Variants in DNAH11 observed in about 807,000 individuals in gnomAD.
DNAH11 encodes the protein axonemal beta dynein heavy chain 11.
DNAH11 carries 442 observed loss-of-function variants against 526.0 expected under a neutral mutation model. The ratio of observed to expected loss-of-function variants is 0.84; its 90% confidence interval spans 0.78 to 0.91. DNAH11 has a LOEUF of 0.91. Among genes scored for constraint, DNAH11 ranks in the 40% least tolerant of loss-of-function variants. The probability of loss-of-function intolerance (pLI) is 0.00; values close to 1 mark genes in which losing one functional copy is unlikely to be tolerated. For missense variants in DNAH11, 6,989 were observed against 5,448.7 expected (o/e 1.28, Z -8.90); for synonymous variants, 2,461 against 1,935.9 (o/e 1.27, Z -7.12).
chr7:21,860,157 A>C (rs1783003400), intron 68 of DNAH11, among the ~76,000 whole-genome samples: 1 of 152,170 alleles, frequency 6.6e-6, no homozygotes, highest in Admixed American at 6.5e-5. Flanking sequence ...TGGATGACAG[A>C]ATGAAAGTTT....
intron 55 of DNAH11, among the ~76,000 whole-genome samples, chr7:21,772,387 A>G (rs1429627385): frequency 2.2e-5 from 3 of 138,106 alleles, no homozygotes; most frequent in African/African-American, 5.4e-5. Flanking sequence ...TAAGGAGGTT[A>G]CACTTGGCTG....
rs554343975 is a variant in DNAH11, at chr7:21,560,973, G to A, written c.883-98G>A. 8.0e-5 allele frequency: 67 copies of A among 837,778 alleles called. 1 individual carries two copies. Among genetic ancestry groups the A allele is most frequent in the Middle Eastern group, 2.5e-4 (1 of 3,996 alleles). The allele number at this position is 837,778 out of a possible 1,614,324, so 51.9% of individuals were successfully genotyped here. On this transcript the variant is annotated intron_variant, in intron 4 of 81. Coordinates refer to ENST00000409508, the MANE Select transcript of DNAH11 (RefSeq NM_001277115.2). ...TTGAGTGTTAAATACTGTATCACTT[G>A]TGAGTGAAATGGAATTTAAATATTT...
At chr7:21,754,963 A>T (rs1786565580) in intron 54 of DNAH11, among the ~76,000 whole-genome samples, 1 of 152,212 alleles carries the variant, frequency 6.6e-6, no homozygotes, top group Non-Finnish European at 1.5e-5. Context: ...AGTGTGTACT[A>T]AAGACTCAGA....
chr7:21,801,813 T>C (rs1789008246), intron 62 of DNAH11, among the ~76,000 whole-genome samples: 1 of 152,212 alleles, frequency 6.6e-6, no homozygotes, highest in Admixed American at 6.5e-5. Context: ...ACCTGGTTGG[T>C]TTATGTTTTT....
At chr7:21,802,743 T>G (rs535675887) in intron 62 of DNAH11, among the ~76,000 whole-genome samples, 198 of 152,018 alleles carry the variant, frequency 1.3e-3, no homozygotes, top group Middle Eastern at 3.4e-3. Flanking sequence ...TGATATCATG[T>G]GATACACAGG....
chr7:21,773,039 A>G (rs767691575), intron 55 of DNAH11, among the ~76,000 whole-genome samples: 16 of 152,188 alleles, frequency 1.1e-4, no homozygotes, highest in Non-Finnish European at 2.1e-4. Context: ...CCCTTGATTA[A>G]CTGAACCTGG....
chr7:21,745,789 A>G (rs1193994472), intron 51 of DNAH11, among the ~76,000 whole-genome samples: 7 of 152,240 alleles, frequency 4.6e-5, no homozygotes, highest in African/African-American at 9.6e-5. Context: ...GAGAAATACA[A>G]TAAGTGAATT....
intron 28 of DNAH11, among the ~76,000 whole-genome samples, chr7:21,644,429 A>G (rs1685706082): frequency 6.6e-6 from 1 of 152,146 alleles, no homozygotes; most frequent in Admixed American, 6.6e-5. Flanking sequence ...TAGGAAAAAG[A>G]CTCAATACGT....
chr7:21,865,050 C>T (rs1399173843), intron 70 of DNAH11, among the ~76,000 whole-genome samples: 3 of 152,254 alleles, frequency 2.0e-5, no homozygotes, highest in East Asian at 1.9e-4. Context: ...CTTTAAATTA[C>T]ACCACAGTGG....
At position 21,640,404 on chromosome 7, in the gene DNAH11, G is replaced by C. The variant is rs146207601; in HGVS notation, c.4944+1339G>C. Reference sequence around the variant, plus strand: ...CAGGTATTGTATTTCACAAAAGTACGTGTTTCTGAATACTTTTCAAATCTG... The same window carrying C: ...CAGGTATTGTATTTCACAAAAGTACCTGTTTCTGAATACTTTTCAAATCTG... On this transcript the variant is annotated intron_variant, in intron 28 of 81. Transcript: ENST00000409508. 2.7e-4 allele frequency among the ~76,000 whole-genome samples: 41 copies of C among 152,232 alleles called. No homozygotes were observed. In the East Asian group the frequency reaches 6.0e-3, roughly 22 times the overall value.
chr7:21,629,974 T>A (rs1047942069), intron 25 of DNAH11, among the ~76,000 whole-genome samples: 1 of 152,170 alleles, frequency 6.6e-6, no homozygotes, highest in African/African-American at 2.4e-5. Context: ...TCTGGTTGTT[T>A]TGTAATTTTT....
rs749269724 is a variant in DNAH11, at chr7:21,816,526, A to G, written c.10392A>G (p.Thr3464=). The change falls in exon 64 of 82, where the codon ACA becomes ACG. Residue 3464 remains threonine, a synonymous_variant. Coordinates refer to ENST00000409508, the MANE Select transcript of DNAH11 (RefSeq NM_001277115.2). The part of the protein sequence containing the change: ...DLISMLTDDA[T]IAAWNNEGLP... ...TATCCATGTTGACGGATGATGCTAC[A>G]ATTGCCGCCTGGAATAACGAAGGAC... 8.1e-6 allele frequency: 13 copies of G among 1,612,492 alleles called. No homozygotes were observed. The highest frequency in any genetic ancestry group is 1.1e-5 in the Non-Finnish European group (13 of 1,179,498).
chr7:21,789,286 A>G lies in DNAH11; in HGVS notation c.9970A>G (p.Asn3324Asp), dbSNP rs1389275843. Reference sequence around the variant, plus strand: ...AAAACGCCAAGCATTAGCCCAAGCAAACTTAGAACTGGCTGCAGCTACTGA... The same window carrying G: ...AAAACGCCAAGCATTAGCCCAAGCAGACTTAGAACTGGCTGCAGCTACTGA... The part of the protein sequence containing the change: ...EPKRQALAQA[N>D]LELAAATEKL... The change falls in exon 61 of 82, where the codon AAC becomes GAC. Residue 3324 changes from asparagine to aspartate, a missense_variant. Transcript: ENST00000409508. The G allele has an allele frequency of 6.3e-7, 1 of 1,579,002 alleles. No individual in the cohort carries two copies. Among genetic ancestry groups the G allele is most frequent in the Middle Eastern group, 1.7e-4 (1 of 6,020 alleles).
At chr7:21,794,613 G>A (rs1005440179) in intron 61 of DNAH11, among the ~76,000 whole-genome samples, 1 of 152,180 alleles carries the variant, frequency 6.6e-6, no homozygotes, top group African/African-American at 2.4e-5. Context: ...GACCCATGGA[G>A]TGTGCCTTGT....
intron 54 of DNAH11, among the ~76,000 whole-genome samples, chr7:21,755,904 G>A (rs994901597): frequency 2.0e-5 from 3 of 152,152 alleles, no homozygotes; most frequent in East Asian, 3.9e-4. Context: ...CAAATTTCCT[G>A]TTGGTTTGCT....
intron 3 of DNAH11, 64 bp downstream of exon 3, chr7:21,559,062 T>C (rs2128430949): frequency 1.4e-6 from 2 of 1,411,378 alleles, no homozygotes; most frequent in Non-Finnish European, 1.9e-6. Context: ...CGGTGGCTCA[T>C]GCCTATAATC....
intron 65 of DNAH11, among the ~76,000 whole-genome samples, chr7:21,821,265 T>G (rs1434045354): frequency 6.6e-6 from 1 of 152,174 alleles, no homozygotes; most frequent in Non-Finnish European, 1.5e-5. Context: ...TAACACTCAT[T>G]TCTAAAACAG....
chr7:21,816,866 T>C (rs374504268), intron 64 of DNAH11, among the ~76,000 whole-genome samples, 164 bp downstream of exon 64: 10 of 152,348 alleles, frequency 6.6e-5, no homozygotes, highest in East Asian at 5.8e-4. Context: ...AGTATCTCTG[T>C]TGAAAAGGCA....
intron 44 of DNAH11, among the ~76,000 whole-genome samples, chr7:21,723,588 C>T (rs1784965166): frequency 6.6e-6 from 1 of 152,188 alleles, no homozygotes; most frequent in South Asian, 2.1e-4. Flanking sequence ...ACGTGAAATC[C>T]TATGATATAC....
Sources: gnomAD v4.1 joint callset for allele counts (sites outside exome capture counted in the v4.1 genomes callset) on GRCh38, gnomAD v4.1.1 for gene constraint, MANE v1.5 for transcripts, NCBI Gene and HGNC (gene_info 2026-07-23, HGNC 2026-07-21) for gene names.